FAM240B: variants seen among roughly 807,000 people sequenced by gnomAD.
FAM240B encodes protein FAM240B.
chr9:38,709,219 G>C (rs193009068), intron 1 of FAM240B, among the ~76,000 whole-genome samples: 1 of 152,242 alleles, frequency 6.6e-6, no homozygotes, highest in African/African-American at 2.4e-5. Flanking sequence ...AACTTCAGCA[G>C]GTGCAAGAAC....
intron 1 of FAM240B, among the ~76,000 whole-genome samples, chr9:38,712,858 C>A (rs1821270754): frequency 6.6e-6 from 1 of 152,074 alleles, no homozygotes; most frequent in Non-Finnish European, 1.5e-5. Context: ...GGCTGTGAAC[C>A]CACAATGTCT....
At chr9:38,705,115 A>C (rs760449261) in intron 1 of FAM240B, among the ~76,000 whole-genome samples, 1 of 152,244 alleles carries the variant, frequency 6.6e-6, no homozygotes. Flanking sequence ...AAATGCCTGC[A>C]CAACAGATCC....
intron 1 of FAM240B, among the ~76,000 whole-genome samples, chr9:38,711,609 CTT>C (rs1821255406): frequency 1.4e-5 from 2 of 147,008 alleles, no homozygotes; most frequent in African/African-American, 5.4e-5. Context: ...TTTTCTTTTT[CTT>C]TCTCTCTCCC....
intron 1 of FAM240B, among the ~76,000 whole-genome samples, chr9:38,712,349 T>C (rs1396419061): frequency 2.0e-5 from 3 of 152,182 alleles, no homozygotes; most frequent in South Asian, 2.1e-4. Context: ...AAAAATGCAT[T>C]GGTCTTAGAA....
intron 2 of FAM240B, among the ~76,000 whole-genome samples, chr9:38,701,031 G>A (rs776744431): frequency 1.3e-5 from 2 of 152,222 alleles, no homozygotes; most frequent in Non-Finnish European, 2.9e-5. Flanking sequence ...GGGATTTGGT[G>A]GGAAATTTGG....
intron 2 of FAM240B, among the ~76,000 whole-genome samples, chr9:38,701,742 T>C (rs1035826771): frequency 6.6e-6 from 1 of 152,216 alleles, no homozygotes; most frequent in Non-Finnish European, 1.5e-5. Context: ...TAGAGGAAAC[T>C]GCTCCAAACT....
chr9:38,709,145 T>A (rs1247418154), intron 1 of FAM240B, among the ~76,000 whole-genome samples: 1 of 152,168 alleles, frequency 6.6e-6, no homozygotes, highest in Non-Finnish European at 1.5e-5. Flanking sequence ...ACTCTTGGCC[T>A]CAACCCCTCC....
chr9:38,694,593 G>C lies in FAM240B; in HGVS notation c.*183C>G. Reference sequence around the variant, plus strand: ...CGGTCATCCTGTCCTCTGTGCGGAGGGGATTGAGCAGGATAATAACTCCCA... The same window carrying C: ...CGGTCATCCTGTCCTCTGTGCGGAGCGGATTGAGCAGGATAATAACTCCCA... On this transcript the variant is annotated 3_prime_UTR_variant, in exon 3 of 3. Transcript: ENST00000637493. 1 of 392,510 alleles carries C rather than the reference G, an allele frequency of 2.5e-6. No homozygotes were observed. The highest frequency in any genetic ancestry group is 2.1e-5 in the African/African-American group (1 of 48,614). The allele number at this position is 392,510 out of a possible 1,614,324, so 24.3% of individuals were successfully genotyped here. A position where few individuals can be genotyped will look rare whatever the true frequency, so the allele number is the denominator to read the frequency against.
In FAM240B at chr9:38,717,687, T is replaced by C. The variant is rs376858861; in HGVS notation, c.-4+2335A>G. On this transcript the variant is annotated intron_variant, in intron 1 of 2. Coordinates refer to ENST00000637493, the MANE Select transcript of FAM240B (RefSeq NM_001394922.1). ...TTAGTAGAGACGGGGTTTCACCGTGTTAGCCAGGATGGTCTCAATATCCTG... is the reference window on the plus strand; with the variant it reads ...TTAGTAGAGACGGGGTTTCACCGTGCTAGCCAGGATGGTCTCAATATCCTG... Among the ~76,000 whole-genome samples the C allele has an allele frequency of 5.3e-5, 8 of 152,016 alleles. No individual in the cohort carries two copies. In the East Asian group the frequency reaches 7.9e-4, roughly 15 times the overall value.
chr9:38,697,977 T>G (rs1057286045), intron 2 of FAM240B, among the ~76,000 whole-genome samples: 35 of 152,252 alleles, frequency 2.3e-4, no homozygotes, highest in Non-Finnish European at 5.9e-5. Context: ...TAAATAAGGT[T>G]TTATTGAAAT....
At position 38,694,684 on chromosome 9, in the gene FAM240B, T is replaced by C. The variant is rs1821046231; in HGVS notation, c.*92A>G. 2.5e-6 allele frequency: 1 copy of C among 397,698 alleles called. No homozygotes were observed. Among genetic ancestry groups the C allele is most frequent in the Non-Finnish European group, 4.4e-6 (1 of 225,734 alleles). 24.6% of individuals were successfully genotyped at this position (397,698 alleles called of 1,614,324 possible). A position where few individuals can be genotyped will look rare whatever the true frequency, so the allele number is the denominator to read the frequency against. On this transcript the variant is annotated 3_prime_UTR_variant, in exon 3 of 3. Coordinates refer to ENST00000637493, the MANE Select transcript of FAM240B (RefSeq NM_001394922.1). ...ATGGAAGCACAAATAGAGAGCGTCCTGTTTAGTAAATCAGCACAACTTGAG... is the reference window on the plus strand; with the variant it reads ...ATGGAAGCACAAATAGAGAGCGTCCCGTTTAGTAAATCAGCACAACTTGAG...
rs1649184925 is a variant in FAM240B, at chr9:38,694,529, G to C, written c.*247C>G. 2.8e-6 allele frequency: 1 copy of C among 356,126 alleles called. No individual in the cohort carries two copies. The highest frequency in any genetic ancestry group is 5.0e-6 in the Non-Finnish European group (1 of 199,904). The allele number at this position is 356,126 out of a possible 1,614,324, so 22.1% of individuals were successfully genotyped here. On this transcript the variant is annotated 3_prime_UTR_variant, in exon 3 of 3. Transcript: ENST00000637493. Reference sequence around the variant, plus strand: ...GACCTGGAGAGTGCTAATTCCAAGAGCTCTTTTATTAAATAGCCCAAGCGT... The same window carrying C: ...GACCTGGAGAGTGCTAATTCCAAGACCTCTTTTATTAAATAGCCCAAGCGT...
chr9:38,699,885 T>C (rs1410614505), intron 2 of FAM240B, among the ~76,000 whole-genome samples: 1 of 152,240 alleles, frequency 6.6e-6, no homozygotes, highest in African/African-American at 2.4e-5. Context: ...CCAATCTTGA[T>C]CTCTGTGCTT....
At chr9:38,704,975 G>A (rs1279185691) in intron 1 of FAM240B, among the ~76,000 whole-genome samples, 2 of 152,206 alleles carry the variant, frequency 1.3e-5, no homozygotes, top group Non-Finnish European at 2.9e-5. Flanking sequence ...GGGTATGTCC[G>A]GGGCAAGCTC....
At chr9:38,695,109 A>G (rs1376756999) in intron 2 of FAM240B, among the ~76,000 whole-genome samples, 6 of 152,228 alleles carry the variant, frequency 3.9e-5, no homozygotes. Context: ...TACCTAATGC[A>G]TGCGGGGCTT....
At chr9:38,699,858 T>C (rs1563999098) in intron 2 of FAM240B, among the ~76,000 whole-genome samples, 2 of 152,246 alleles carry the variant, frequency 1.3e-5, no homozygotes, top group South Asian at 2.1e-4. Flanking sequence ...TGATCTCCCA[T>C]TTCAGATCTC....
chr9:38,701,763 G>T (rs1359075450), intron 2 of FAM240B, among the ~76,000 whole-genome samples: 1 of 152,092 alleles, frequency 6.6e-6, no homozygotes, highest in Admixed American at 6.6e-5. Context: ...TTAGAAGAGG[G>T]GGTCATTTCT....
chr9:38,716,666 C>CA (rs1430956308), intron 1 of FAM240B, among the ~76,000 whole-genome samples: 2 of 152,092 alleles, frequency 1.3e-5, no homozygotes, highest in Non-Finnish European at 2.9e-5. Context: ...GGCTAAAATA[C>CA]AAAAATTGGC....
intron 2 of FAM240B, among the ~76,000 whole-genome samples, chr9:38,695,340 G>A (rs747796057): frequency 6.6e-6 from 1 of 152,178 alleles, no homozygotes; most frequent in Non-Finnish European, 1.5e-5. Flanking sequence ...GGCTAACACG[G>A]CGACACCCCG....
Sources: allele counts gnomAD v4.1 joint callset (sites outside exome capture counted in the v4.1 genomes callset), GRCh38; gene constraint gnomAD v4.1.1; transcripts MANE v1.5; gene names NCBI Gene and HGNC (gene_info 2026-07-23, HGNC 2026-07-21).